CUL1: variants seen among roughly 807,000 people sequenced by gnomAD.
CUL1 encodes cullin 1.
In CUL1, 24 loss-of-function variants were observed where a neutral mutation model predicts 118.0. The observed-to-expected ratio is 0.20, with a 90% CI of 0.15 to 0.29. The LOEUF (loss-of-function observed/expected upper bound fraction) is 0.29, where lower values mean the gene tolerates loss of function less well. CUL1 is among the 10% of genes least tolerant of loss of function. The pLI, the probability that CUL1 is intolerant of heterozygous loss-of-function variation, is 1.00. For synonymous variants in CUL1, 332 were observed against 340.4 expected (o/e 0.98, Z 0.27); for missense variants, 361 against 933.8 (o/e 0.39, Z 7.99).
At chr7:148,742,598 G>GTTTT (rs59592789) in intron 2 of CUL1, among the ~76,000 whole-genome samples, 1 of 112,162 alleles carries the variant, frequency 8.9e-6, no homozygotes, top group Non-Finnish European at 1.8e-5. Context: ...ACCTTTTCTG[G>GTTTT]TTTTTTTTTT....
chr7:148,741,428 T>C (rs1343175876), intron 2 of CUL1, among the ~76,000 whole-genome samples: 1 of 143,604 alleles, frequency 7.0e-6, no homozygotes, highest in Non-Finnish European at 1.6e-5. Context: ...TTGTGTTGTA[T>C]TTATTTATTT....
At chr7:148,707,021 G>A (rs1000618154) in intron 1 of CUL1, among the ~76,000 whole-genome samples, 8 of 151,874 alleles carry the variant, frequency 5.3e-5, no homozygotes, top group African/African-American at 1.9e-4. Flanking sequence ...ATCTTATAGG[G>A]TATGTATATA....
At chr7:148,713,674 ATG>A (rs1399941243) in intron 1 of CUL1, among the ~76,000 whole-genome samples, 2 of 152,172 alleles carry the variant, frequency 1.3e-5, no homozygotes, top group Non-Finnish European at 2.9e-5. Flanking sequence ...TAATTACAAA[ATG>A]TGTGTATTTG....
At position 148,798,005 on chromosome 7, in the gene CUL1, T is replaced by C. The variant is rs200674332; in HGVS notation, c.2016T>C (p.Tyr672=). The C allele has an allele frequency of 6.2e-7, 1 of 1,601,326 alleles. No homozygotes were observed. Among genetic ancestry groups the C allele is most frequent in the African/African-American group, 1.3e-5 (1 of 74,648 alleles). Residue 672 remains tyrosine (Y), a synonymous_variant, in exon 19 of 22, where the codon TAT becomes TAC. Transcript: ENST00000325222. The part of the protein sequence containing the change: ...ELKPDTLIKL[Y]LGYKNKKLRV... ...AGCCAGATACCTTAATAAAATTATA[T>C]CTTGGTTATAAAAAGTAAGAAAAAT...
chr7:148,778,103 A>AAAAAAAAAAAAAAG (rs1563166664), intron 9 of CUL1, among the ~76,000 whole-genome samples: 1 of 147,512 alleles, frequency 6.8e-6, no homozygotes, highest in Non-Finnish European at 1.5e-5. Flanking sequence ...AAAAAGAAGA[A>AAAAAAAAAAAAAAG]GAAGAAGAAT....
chr7:148,776,617 G>A lies in CUL1; in HGVS notation c.1084-7166G>A, dbSNP rs148332795. 4.3e-3 allele frequency among the ~76,000 whole-genome samples: 647 copies of A among 151,874 alleles called. 7 individuals carry two copies. The highest frequency in any genetic ancestry group is 0.014 in the African/African-American group (598 of 41,442). ...CAGGTGTGATCCACCACGTCCGGCC[G>A]AGGCTGTCATTTTTATATCCAACAT... is the stretch of plus-strand genomic sequence containing the variant. On this transcript the variant is annotated intron_variant, in intron 9 of 21. Transcript: ENST00000325222.
intron 4 of CUL1, 129 bp from the exon 5 acceptor site, chr7:148,759,175 A>G: frequency 1.2e-6 from 1 of 801,542 alleles, no homozygotes; most frequent in South Asian, 1.7e-5. Context: ...TTGTCCTGAT[A>G]GCAGATTTTG....
chr7:148,782,622 C>T (rs1016940055), intron 9 of CUL1, among the ~76,000 whole-genome samples: 3 of 152,022 alleles, frequency 2.0e-5, no homozygotes, highest in African/African-American at 7.2e-5. Context: ...CATAATAAAC[C>T]TTGCATTTAT....
intron 1 of CUL1, among the ~76,000 whole-genome samples, chr7:148,706,637 A>G (rs1346470548): frequency 8.4e-6 from 1 of 119,002 alleles, no homozygotes; most frequent in Non-Finnish European, 1.6e-5. Context: ...TGTTCTATAT[A>G]TAGGGGACTT....
chr7:148,731,706 G>A (rs1287614098), intron 2 of CUL1, among the ~76,000 whole-genome samples: 1 of 152,058 alleles, frequency 6.6e-6, no homozygotes, highest in Non-Finnish European at 1.5e-5. Flanking sequence ...TTCCCCCGAG[G>A]CCCTGGCAAC....
chr7:148,718,001 C>G (rs185319852), intron 1 of CUL1, among the ~76,000 whole-genome samples: 1 of 152,248 alleles, frequency 6.6e-6, no homozygotes, highest in East Asian at 1.9e-4. Context: ...AGTATAAACC[C>G]CTCTCTATTG....
intron 1 of CUL1, among the ~76,000 whole-genome samples, chr7:148,719,279 C>T (rs1390296249): frequency 6.6e-6 from 1 of 151,982 alleles, no homozygotes; most frequent in Non-Finnish European, 1.5e-5. Flanking sequence ...CCACTGCACT[C>T]CAGCCTTGGT....
At position 148,712,177 on chromosome 7, in the gene CUL1, C is replaced by T. The variant is rs183269411; in HGVS notation, c.-162+13148C>T. ...ATGCTGATGTGCAGTGAAAGCTCTC[C>T]AGTAGCGGCTTTTCCAAAGTCAGTG... On this transcript the variant is annotated intron_variant, in intron 1 of 21. Transcript: ENST00000325222. 1.1e-4 allele frequency among the ~76,000 whole-genome samples: 17 copies of T among 152,314 alleles called. No individual in the cohort carries two copies. In the East Asian group the frequency reaches 3.3e-3, roughly 29 times the overall value.
intron 6 of CUL1, 56 bp from the exon 7 acceptor site, chr7:148,760,277 G>A: frequency 6.8e-7 from 1 of 1,460,950 alleles, no homozygotes; most frequent in Non-Finnish European, 9.3e-7. Flanking sequence ...AGTATATTCT[G>A]TGAAATATAA....
At chr7:148,762,817 A>G (rs1283658608) in intron 7 of CUL1, among the ~76,000 whole-genome samples, 1 of 152,236 alleles carries the variant, frequency 6.6e-6, no homozygotes, top group East Asian at 1.9e-4. Context: ...GGGCAGAGCT[A>G]CTGAAGCACT....
chr7:148,800,738 T>A lies in CUL1; in HGVS notation c.*156T>A, dbSNP rs1024042565. 4.9e-6 allele frequency: 3 copies of A among 613,948 alleles called. No individual in the cohort carries two copies. The highest frequency in any genetic ancestry group is 8.7e-6 in the Non-Finnish European group (3 of 344,290). 38.0% of individuals were successfully genotyped at this position (613,948 alleles called of 1,614,324 possible). ...CCCATCAGCTGGTCTCGGATTTACA[T>A]CGGAACTGCTCAGGATTGATACATT... is the stretch of plus-strand genomic sequence containing the variant. On this transcript the variant is annotated 3_prime_UTR_variant, in exon 22 of 22. Transcript: ENST00000325222. This position sits in a 1 kb window ranked among gnomAD's most constrained non-coding sequence, Gnocchi z 4.6.
At chr7:148,703,534 T>C (rs1325611136) in intron 1 of CUL1, among the ~76,000 whole-genome samples, 2 of 149,172 alleles carry the variant, frequency 1.3e-5, no homozygotes, top group African/African-American at 2.5e-5. Flanking sequence ...TTTTGTTTTT[T>C]GTTTTTTGTT....
At chr7:148,796,850 G>A (rs894783358) in intron 17 of CUL1, among the ~76,000 whole-genome samples, 9 of 152,200 alleles carry the variant, frequency 5.9e-5, no homozygotes, top group Admixed American at 3.9e-4. Context: ...GGCAGTATTC[G>A]AATGGCTGCT....
intron 1 of CUL1, among the ~76,000 whole-genome samples, chr7:148,728,158 G>C (rs1237249368): frequency 2.0e-5 from 3 of 152,212 alleles, no homozygotes; most frequent in African/African-American, 7.2e-5. Flanking sequence ...GAGGGCTGTG[G>C]CATCAGACTC....
Sources: allele counts gnomAD v4.1 joint callset (sites outside exome capture counted in the v4.1 genomes callset), GRCh38; gene constraint gnomAD v4.1.1; non-coding constraint Gnocchi (gnomAD v3.1); transcripts MANE v1.5; gene names NCBI Gene and HGNC (gene_info 2026-07-23, HGNC 2026-07-21).